Variants in CADM1 observed in about 807,000 individuals in gnomAD.
The protein encoded by CADM1 is cell adhesion molecule 1, also known as TSLC-1.
A neutral mutation model predicts 53.1 loss-of-function variants in CADM1; 15 were observed. That is an observed-to-expected ratio of 0.28 (90% CI 0.19 to 0.44). The LOEUF is 0.44. Ranked by LOEUF, CADM1 falls within the 20% of genes least tolerant of loss-of-function variation. The probability of loss-of-function intolerance (pLI) is 1.00; values close to 1 mark genes in which losing one functional copy is unlikely to be tolerated. For missense variants in CADM1, 434 were observed against 611.3 expected (o/e 0.71, Z 3.06); for synonymous variants, 281 against 243.0 (o/e 1.16, Z -1.45).
At chr11:115,253,065 T>C (rs1360188719) in intron 1 of CADM1, among the ~76,000 whole-genome samples, 1 of 152,120 alleles carries the variant, frequency 6.6e-6, no homozygotes, top group Non-Finnish European at 1.5e-5. Flanking sequence ...ACACTAACAC[T>C]GATGACCCCT....
Position 115,175,613 on chromosome 11 carries a change from G to T in CADM1, c.*861C>A, listed in dbSNP as rs1480651481. 1.0e-6 allele frequency: 1 copy of T among 985,400 alleles called. No individual in the cohort carries two copies. Among genetic ancestry groups the T allele is most frequent in the East Asian group, 1.1e-4 (1 of 8,824 alleles). The allele number at this position is 985,400 out of a possible 1,614,324, so 61.0% of individuals were successfully genotyped here. Reference sequence around the variant, plus strand: ...ACCTCACCTGTCAGGTCTGTTTAGGGCATGGAAAAAGGAGGAGTCCTTTCT... The same window carrying T: ...ACCTCACCTGTCAGGTCTGTTTAGGTCATGGAAAAAGGAGGAGTCCTTTCT... On this transcript the variant is annotated 3_prime_UTR_variant, in exon 12 of 12. Coordinates refer to ENST00000331581, the MANE Select transcript of CADM1 (RefSeq NM_001301043.2).
intron 1 of CADM1, among the ~76,000 whole-genome samples, chr11:115,464,660 A>G (rs946193170): frequency 5.3e-5 from 8 of 152,092 alleles, no homozygotes; most frequent in Non-Finnish European, 1.2e-4. Context: ...TTTGTTTTTC[A>G]CTCTTCCCTC....
In CADM1 at chr11:115,229,261, C is replaced by G; in HGVS notation, c.573G>C (p.Glu191Asp). Residue 191 changes from glutamate to aspartate, a missense_variant, in exon 5 of 12, where the codon GAG becomes GAC. Glu to Asp is a conservative substitution (Grantham distance 45, BLOSUM62 2). Around this residue, in one of 4 missense-constraint regions of CADM1, gnomAD observed 311 missense variants for 435.1 expected, o/e 0.71. Coordinates refer to ENST00000331581, the MANE Select transcript of CADM1 (RefSeq NM_001301043.2). The part of the protein sequence containing the change: ...KGNTELKGKS[E>D]VEEWSDMYTV... Reference sequence around the variant, plus strand: ...TGTACATGTCTGACCACTCTTCCACCTCCGATTTGCCTGGGGAACAGAAAA... The same window carrying G: ...TGTACATGTCTGACCACTCTTCCACGTCCGATTTGCCTGGGGAACAGAAAA... The G allele has an allele frequency of 6.2e-7, 1 of 1,614,094 alleles. No homozygotes were observed. The highest frequency in any genetic ancestry group is 1.3e-5 in the African/African-American group (1 of 75,052).
chr11:115,384,872 T>C (rs552570525), intron 1 of CADM1, among the ~76,000 whole-genome samples: 3 of 152,330 alleles, frequency 2.0e-5, no homozygotes, highest in South Asian at 2.1e-4. Context: ...CTTTACCCAA[T>C]CCTTGTTCAA....
At chr11:115,422,948 G>A (rs1947795123) in intron 1 of CADM1, among the ~76,000 whole-genome samples, 1 of 151,466 alleles carries the variant, frequency 6.6e-6, no homozygotes, top group Admixed American at 6.6e-5. Context: ...TATATACTTG[G>A]AAAACACTTT....
chr11:115,221,214 ATAGT>A (rs1197161906), intron 5 of CADM1, among the ~76,000 whole-genome samples: 2 of 152,246 alleles, frequency 1.3e-5, no homozygotes, highest in Non-Finnish European at 2.9e-5. Context: ...AATAAGAAAA[ATAGT>A]TAGGTCTGTA....
At position 115,229,281 on chromosome 11, in the gene CADM1, A is replaced by G. The variant is rs965944207; in HGVS notation, c.563-10T>C. ...TCCACCTCCGATTTGCCTGGGGAAC[A>G]GAAAATGTACCAAGACACCAGAGTT... On this transcript the variant is annotated splice_polypyrimidine_tract_variant and intron_variant, in intron 4 of 11. Coordinates refer to ENST00000331581, the MANE Select transcript of CADM1 (RefSeq NM_001301043.2). 1 of 1,614,026 alleles carries G rather than the reference A, an allele frequency of 6.2e-7. No homozygotes were observed. The highest frequency in any genetic ancestry group is 8.5e-7 in the Non-Finnish European group (1 of 1,179,896).
chr11:115,323,359 T>C (rs1944874707), intron 1 of CADM1, among the ~76,000 whole-genome samples: 1 of 152,178 alleles, frequency 6.6e-6, no homozygotes, highest in African/African-American at 2.4e-5. Flanking sequence ...ATGTATTTTC[T>C]TACCCTAAGT....
intron 1 of CADM1, among the ~76,000 whole-genome samples, chr11:115,285,266 T>C (rs1327610648): frequency 6.6e-6 from 1 of 152,204 alleles, no homozygotes; most frequent in Admixed American, 6.5e-5. Flanking sequence ...CTGAAAACAA[T>C]TGTGAACACA....
intron 1 of CADM1, among the ~76,000 whole-genome samples, chr11:115,464,095 C>T (rs1948849041): frequency 6.6e-6 from 1 of 152,170 alleles, no homozygotes; most frequent in Non-Finnish European, 1.5e-5. Flanking sequence ...CATCTATTCC[C>T]TTTTCCTTTA....
Position 115,198,450 on chromosome 11 carries a change from A to AACAGAGGATT in CADM1, c.1079-22_1079-13dup. 6.3e-7 allele frequency: 1 copy of AACAGAGGATT among 1,595,012 alleles called. No individual in the cohort carries two copies. The highest frequency in any genetic ancestry group is 1.3e-5 in the African/African-American group (1 of 74,960). ...CGTCGCCGTTGTGTCTACAGACGGGAACAGAGGATTGGAGGAAGGGAAGAA... is the reference window on the plus strand; with the variant it reads ...CGTCGCCGTTGTGTCTACAGACGGGAACAGAGGATTACAGAGGATTGGAGGAAGGGAAGAA... On this transcript the variant is annotated splice_polypyrimidine_tract_variant and intron_variant, in intron 8 of 11. Transcript: ENST00000331581.
At chr11:115,314,139 A>AC (rs5794967) in intron 1 of CADM1, among the ~76,000 whole-genome samples, 152,156 of 152,162 alleles carry the variant, frequency 1, 76,075 homozygotes, top group Middle Eastern at 1. Flanking sequence ...ACCCCAGGAA[A>AC]ACCTGTACAA....
At chr11:115,488,422 A>C (rs1385686018) in intron 1 of CADM1, among the ~76,000 whole-genome samples, 1 of 152,206 alleles carries the variant, frequency 6.6e-6, no homozygotes, top group Non-Finnish European at 1.5e-5. Context: ...TTGAGTAGGC[A>C]TCACTTATGA....
intron 1 of CADM1, among the ~76,000 whole-genome samples, chr11:115,464,268 T>A (rs1431935745): frequency 6.6e-6 from 1 of 152,200 alleles, no homozygotes; most frequent in African/African-American, 2.4e-5. Context: ...GCGTGTGTAT[T>A]TTAAAAAATA....
intron 5 of CADM1, among the ~76,000 whole-genome samples, chr11:115,228,681 C>A (rs1565311081): frequency 6.6e-6 from 1 of 152,034 alleles, no homozygotes; most frequent in South Asian, 2.1e-4. Flanking sequence ...CAACTCATTG[C>A]TCTAATTTAA....
At chr11:115,306,074 A>C (rs12292450) in intron 1 of CADM1, among the ~76,000 whole-genome samples, 1 of 146,630 alleles carries the variant, frequency 6.8e-6, no homozygotes, top group African/African-American at 2.6e-5. Context: ...GATATATACC[A>C]CACACACACA....
intron 1 of CADM1, among the ~76,000 whole-genome samples, chr11:115,470,012 T>C (rs551895976): frequency 1.1e-3 from 168 of 152,312 alleles, no homozygotes; most frequent in Admixed American, 4.2e-3. Context: ...ATGACCTTGG[T>C]CATTAAGCAG....
At chr11:115,293,285 T>C (rs1943956452) in intron 1 of CADM1, among the ~76,000 whole-genome samples, 1 of 151,912 alleles carries the variant, frequency 6.6e-6, no homozygotes, top group African/African-American at 2.4e-5. Context: ...CACAAACAAT[T>C]AGCTGGGCGT....
chr11:115,209,710 A>G, intron 7 of CADM1, 53 bp from the exon 8 acceptor site: 1 of 1,601,672 alleles, frequency 6.2e-7, no homozygotes, highest in Non-Finnish European at 8.5e-7. Context: ...CACAACAATG[A>G]CCAGTAATGA....
Sources: gnomAD v4.1 joint callset for allele counts (sites outside exome capture counted in the v4.1 genomes callset) on GRCh38, gnomAD v4.1.1 for gene constraint, gnomAD v4.1.1 regional missense constraint, MANE v1.5 for transcripts, NCBI Gene and HGNC (gene_info 2026-07-23, HGNC 2026-07-21) for gene names.